Variants in SYT9 observed in about 807,000 individuals in gnomAD.
The protein encoded by SYT9 is synaptotagmin 9, also known as synaptotagmin-9.
A neutral mutation model predicts 48.4 loss-of-function variants in SYT9; 22 were observed. That is an observed-to-expected ratio of 0.45 (90% CI 0.32 to 0.65). The LOEUF is 0.65. SYT9 is among the 30% of genes least tolerant of loss of function. The probability of loss-of-function intolerance (pLI) is 0.03; values close to 1 mark genes in which losing one functional copy is unlikely to be tolerated. For missense variants in SYT9, 577 were observed against 622.0 expected (o/e 0.93, Z 0.77); for synonymous variants, 265 against 245.0 (o/e 1.08, Z -0.76).
intron 3 of SYT9, among the ~76,000 whole-genome samples, chr11:7,331,841 A>T (rs1849538430): frequency 1.3e-5 from 2 of 152,176 alleles, no homozygotes; most frequent in Non-Finnish European, 2.9e-5. Flanking sequence ...CCTCTTCACC[A>T]CAGTTACCAC....
intron 3 of SYT9, among the ~76,000 whole-genome samples, chr11:7,396,987 A>C (rs1846767785): frequency 6.6e-6 from 1 of 152,064 alleles, no homozygotes; most frequent in South Asian, 2.1e-4. Flanking sequence ...GAAGAGCAAA[A>C]GTTTTTTACT....
At chr11:7,351,139 A>T (rs1849907341) in intron 3 of SYT9, among the ~76,000 whole-genome samples, 1 of 152,214 alleles carries the variant, frequency 6.6e-6, no homozygotes, top group African/African-American at 2.4e-5. Flanking sequence ...TCCTTGAAAA[A>T]GATGAAGTGG....
At chr11:7,239,408 A>G (rs962095908) in intron 1 of SYT9, among the ~76,000 whole-genome samples, 6 of 152,132 alleles carry the variant, frequency 3.9e-5, no homozygotes, top group Admixed American at 1.3e-4. Flanking sequence ...GTAGCCCTCT[A>G]TAGACTTTCC....
intron 3 of SYT9, among the ~76,000 whole-genome samples, chr11:7,389,531 C>A (rs1416502421): frequency 6.6e-6 from 1 of 151,964 alleles, no homozygotes; most frequent in Non-Finnish European, 1.5e-5. Flanking sequence ...CAATAGAAGA[C>A]TTTTTGCTTT....
intron 3 of SYT9, among the ~76,000 whole-genome samples, chr11:7,326,625 C>A (rs936657447): frequency 2.7e-5 from 4 of 146,978 alleles, no homozygotes; most frequent in African/African-American, 7.6e-5. Flanking sequence ...CAATCCTAAG[C>A]CAAAAGAACA....
At chr11:7,278,566 T>C (rs933151364) in intron 1 of SYT9, among the ~76,000 whole-genome samples, 3 of 152,236 alleles carry the variant, frequency 2.0e-5, no homozygotes, top group African/African-American at 7.2e-5. Context: ...GCAGTAACTC[T>C]GGTACCTGGT....
At chr11:7,424,496 A>T (rs920776048) in intron 6 of SYT9, among the ~76,000 whole-genome samples, 2 of 152,222 alleles carry the variant, frequency 1.3e-5, no homozygotes, top group Middle Eastern at 3.2e-3. Context: ...GATGACCAAC[A>T]TCATAAGCCT....
intron 1 of SYT9, among the ~76,000 whole-genome samples, chr11:7,273,509 G>A (rs1589903872): frequency 6.6e-6 from 1 of 152,076 alleles, no homozygotes; most frequent in South Asian, 2.1e-4. Context: ...TTCTTCTGAA[G>A]GCAATTAGGA....
chr11:7,455,360 T>A (rs1848131687), intron 6 of SYT9, among the ~76,000 whole-genome samples: 1 of 146,778 alleles, frequency 6.8e-6, no homozygotes, highest in Admixed American at 6.8e-5. Flanking sequence ...TTGAGACAGA[T>A]TCTTGCTCTG....
chr11:7,344,641 G>T (rs1418465337), intron 3 of SYT9, among the ~76,000 whole-genome samples: 2 of 152,084 alleles, frequency 1.3e-5, no homozygotes, highest in South Asian at 2.1e-4. Flanking sequence ...CTATAAAGTT[G>T]TTCCAGCACC....
At chr11:7,443,745 C>T (rs1012055756) in intron 6 of SYT9, among the ~76,000 whole-genome samples, 2 of 152,250 alleles carry the variant, frequency 1.3e-5, no homozygotes, top group African/African-American at 2.4e-5. Context: ...TCCAATAGTG[C>T]AGGAGCCATA....
chr11:7,400,988 C>A lies in SYT9; in HGVS notation c.1045-15054C>A, dbSNP rs1481379881. Among the ~76,000 whole-genome samples the A allele has an allele frequency of 5.3e-5, 8 of 152,084 alleles. No individual in the cohort carries two copies. In the East Asian group the frequency reaches 1.5e-3, roughly 29 times the overall value. ...GGTTACCCTGAATACATTATTTTTTCACTGTATTAATGGCATGTCATTATT... is the reference window on the plus strand; with the variant it reads ...GGTTACCCTGAATACATTATTTTTTAACTGTATTAATGGCATGTCATTATT... On this transcript the variant is annotated intron_variant, in intron 3 of 6. Coordinates refer to ENST00000318881, the MANE Select transcript of SYT9 (RefSeq NM_175733.4).
intron 3 of SYT9, among the ~76,000 whole-genome samples, chr11:7,322,685 A>G (rs1017727827): frequency 6.6e-6 from 1 of 152,150 alleles, no homozygotes; most frequent in Non-Finnish European, 1.5e-5. Flanking sequence ...AATAAAATAT[A>G]TACCATCAAG....
At chr11:7,283,532 T>C (rs1848541326) in intron 1 of SYT9, among the ~76,000 whole-genome samples, 1 of 152,128 alleles carries the variant, frequency 6.6e-6, no homozygotes, top group South Asian at 2.1e-4. Flanking sequence ...GAAAAGAACA[T>C]TACCCTTTGT....
At chr11:7,418,204 C>A in intron 5 of SYT9, 76 bp downstream of exon 5, 1 of 1,512,326 alleles carries the variant, frequency 6.6e-7, no homozygotes, top group Non-Finnish European at 9.0e-7. Context: ...GAGCAGCAGC[C>A]ACAGATTCTT....
At chr11:7,344,851 A>G (rs1356063563) in intron 3 of SYT9, among the ~76,000 whole-genome samples, 1 of 151,874 alleles carries the variant, frequency 6.6e-6, no homozygotes, top group Admixed American at 6.6e-5. Context: ...CTGCAACTTT[A>G]CCCTACTTTG....
intron 3 of SYT9, among the ~76,000 whole-genome samples, chr11:7,347,545 C>T (rs1171301206): frequency 6.6e-6 from 1 of 152,150 alleles, no homozygotes; most frequent in Non-Finnish European, 1.5e-5. Flanking sequence ...GAACTATTTC[C>T]ATCAAAGCAT....
intron 3 of SYT9, among the ~76,000 whole-genome samples, chr11:7,332,945 T>C (rs1849566903): frequency 6.6e-6 from 1 of 152,216 alleles, no homozygotes; most frequent in Non-Finnish European, 1.5e-5. Flanking sequence ...CCTATGGAAG[T>C]ATTACTATCC....
At chr11:7,278,348 C>G (rs1450989728) in intron 1 of SYT9, among the ~76,000 whole-genome samples, 3 of 152,212 alleles carry the variant, frequency 2.0e-5, no homozygotes, top group Non-Finnish European at 4.4e-5. Context: ...CCTCTCAATA[C>G]TACCAGATTG....
Sources: allele counts gnomAD v4.1 joint callset (sites outside exome capture counted in the v4.1 genomes callset), GRCh38; gene constraint gnomAD v4.1.1; transcripts MANE v1.5; gene names NCBI Gene and HGNC (gene_info 2026-07-23, HGNC 2026-07-21).